The following MTF2 variants were observed in gnomAD, a reference collection of about 807,000 sequenced individuals.
The protein encoded by MTF2 is metal-response element-binding transcription factor 2.
A neutral mutation model predicts 79.5 loss-of-function variants in MTF2; 11 were observed. The observed-to-expected ratio is 0.14, with a 90% CI of 0.09 to 0.23. The LOEUF is 0.23. MTF2 is among the 10% of genes least tolerant of loss of function. MTF2 has a pLI of 1.00. For missense variants in MTF2, 486 were observed against 711.2 expected (o/e 0.68, Z 3.60); for synonymous variants, 208 against 232.8 (o/e 0.89, Z 0.97).
rs943645579 is a variant in MTF2, at chr1:93,138,614, A to G, written c.*1587A>G. On this transcript the variant is annotated 3_prime_UTR_variant, in exon 15 of 15. Transcript: ENST00000370298. ...TTGGTTCCTGGTTGGCCAGGTATAA[A>G]TGAGCTTTACAAAAGTGCAAATTAA... is the stretch of plus-strand genomic sequence containing the variant. 7.9e-5 allele frequency: 12 copies of G among 152,250 alleles called. No homozygotes were observed. The highest frequency in any genetic ancestry group is 2.9e-4 in the African/African-American group (12 of 41,476). 9.4% of individuals were successfully genotyped at this position (152,250 alleles called of 1,614,324 possible).
At chr1:93,086,616 T>A (rs1571213553) in intron 1 of MTF2, among the ~76,000 whole-genome samples, 1 of 151,272 alleles carries the variant, frequency 6.6e-6, no homozygotes, top group Admixed American at 6.6e-5. Context: ...CAGCCCCGGG[T>A]GAATCTTGAG....
chr1:93,110,598 C>G lies in MTF2; in HGVS notation c.258C>G (p.Ser86=), dbSNP rs1323707828. The change falls in exon 3 of 15, where the codon TCC becomes TCG. Residue 86 remains serine, a synonymous_variant. Transcript: ENST00000370298. Reference sequence around the variant, plus strand: ...TCATATTTGAAGACAGTTCTAAATCCTGGGTTCTCTGGAAGGACATTCAAA... The same window carrying G: ...TCATATTTGAAGACAGTTCTAAATCGTGGGTTCTCTGGAAGGACATTCAAA... ...CFIIFEDSSK[S]WVLWKDIQTG... is the part of the protein sequence containing the mutation. 6.2e-7 allele frequency: 1 copy of G among 1,613,482 alleles called. No homozygotes were observed.
rs1647490274 is a variant in MTF2 at position 93,138,451 on chromosome 1, T to C, written c.*1424T>C. On this transcript the variant is annotated 3_prime_UTR_variant, in exon 15 of 15. Transcript: ENST00000370298. The stretch of plus-strand genomic sequence containing the variant: ...GATTACAGAGTGGTTAAAATGTGGG[T>C]TAGTACTTATTTATTCCATTAATTG... 6.6e-6 allele frequency: 1 copy of C among 152,162 alleles called. No homozygotes were observed. The highest frequency in any genetic ancestry group is 1.5e-5 in the Non-Finnish European group (1 of 68,000). 9.4% of individuals were successfully genotyped at this position (152,162 alleles called of 1,614,324 possible).
chr1:93,120,487 CG>C, intron 8 of MTF2, 61 bp from the exon 9 acceptor site: 2 of 1,438,572 alleles, frequency 1.4e-6, no homozygotes, highest in Non-Finnish European at 1.9e-6. Flanking sequence ...ATAAGGAAAC[CG>C]TGATTTTTTA....
At chr1:93,124,143 A>G (rs1412953978) in intron 9 of MTF2, among the ~76,000 whole-genome samples, 4 of 152,090 alleles carry the variant, frequency 2.6e-5, no homozygotes, top group Non-Finnish European at 5.9e-5. Context: ...AGATAATGGT[A>G]GTATTACATT....
At chr1:93,130,802 A>G (rs1444185242) in intron 11 of MTF2, among the ~76,000 whole-genome samples, 1 of 152,218 alleles carries the variant, frequency 6.6e-6, no homozygotes, top group Non-Finnish European at 1.5e-5. Context: ...TCTGAAAATA[A>G]GGAATCAATT....
intron 3 of MTF2, among the ~76,000 whole-genome samples, chr1:93,113,483 A>G (rs1450177856): frequency 2.6e-5 from 4 of 152,118 alleles, no homozygotes; most frequent in Non-Finnish European, 5.9e-5. Flanking sequence ...CTCCCCCTCC[A>G]AAAAAAGAAA....
intron 1 of MTF2, among the ~76,000 whole-genome samples, chr1:93,109,788 A>AT (rs1655958503): frequency 6.6e-6 from 1 of 152,188 alleles, no homozygotes; most frequent in Admixed American, 6.5e-5. Context: ...AAGAGTGTGA[A>AT]TAACACCAGC....
At chr1:93,117,678 A>C (rs933900841) in intron 6 of MTF2, among the ~76,000 whole-genome samples, 3 of 152,190 alleles carry the variant, frequency 2.0e-5, no homozygotes, top group African/African-American at 7.2e-5. Flanking sequence ...TATTTGGGGC[A>C]AACAACAGTA....
At chr1:93,087,531 C>T (rs948021712) in intron 1 of MTF2, among the ~76,000 whole-genome samples, 1 of 148,052 alleles carries the variant, frequency 6.8e-6, no homozygotes, top group Admixed American at 6.8e-5. Flanking sequence ...GAGATGGTAC[C>T]ATTGCATGGC....
At chr1:93,132,543 G>A (rs1163469043) in intron 11 of MTF2, among the ~76,000 whole-genome samples, 1 of 152,138 alleles carries the variant, frequency 6.6e-6, no homozygotes, top group African/African-American at 2.4e-5. Flanking sequence ...TAGTCCAGGA[G>A]TCCTTTATAA....
At chr1:93,088,570 T>C (rs1654943010) in intron 1 of MTF2, among the ~76,000 whole-genome samples, 1 of 152,248 alleles carries the variant, frequency 6.6e-6, no homozygotes, top group East Asian at 1.9e-4. Context: ...CAGTGTCATT[T>C]ACAATTTTTT....
intron 1 of MTF2, among the ~76,000 whole-genome samples, chr1:93,087,061 C>T (rs1439133946): frequency 6.6e-6 from 1 of 152,086 alleles, no homozygotes; most frequent in Non-Finnish European, 1.5e-5. Flanking sequence ...GTGCCACCTG[C>T]GTTTTGACTA....
chr1:93,109,147 G>T (rs1655925842), intron 1 of MTF2, among the ~76,000 whole-genome samples: 1 of 152,026 alleles, frequency 6.6e-6, no homozygotes, highest in African/African-American at 2.4e-5. Flanking sequence ...GTCACTGTAT[G>T]TTTAATTAGT....
chr1:93,082,282 T>A (rs1654638864), intron 1 of MTF2, among the ~76,000 whole-genome samples: 1 of 151,666 alleles, frequency 6.6e-6, no homozygotes, highest in Non-Finnish European at 1.5e-5. Flanking sequence ...TCTTTTTTTT[T>A]TTTTTTTCTG....
chr1:93,123,769 C>CT lies in MTF2; in HGVS notation c.921+3097_921+3098insT. ...CTGTTTCGTGTATTGTGTCCCCCCCCCCTTTTTTTAATAAAGGAAGCACTG... is the reference window on the plus strand; with the variant it reads ...CTGTTTCGTGTATTGTGTCCCCCCCCTCCTTTTTTTAATAAAGGAAGCACTG... On this transcript the variant is annotated intron_variant, in intron 9 of 14. Transcript: ENST00000370298. Among the ~76,000 whole-genome samples the CT allele has an allele frequency of 2.0e-5, 3 of 148,620 alleles. No individual in the cohort carries two copies. The South Asian group carries it at 6.5e-4, about 32-fold the overall frequency.
intron 1 of MTF2, among the ~76,000 whole-genome samples, chr1:93,101,265 A>G (rs1160531784): frequency 1.3e-5 from 2 of 150,860 alleles, no homozygotes; most frequent in African/African-American, 4.9e-5. Context: ...CTCTTTCAAG[A>G]TGTATATGAC....
chr1:93,133,165 G>A (rs1226250159), intron 11 of MTF2, among the ~76,000 whole-genome samples: 1 of 151,894 alleles, frequency 6.6e-6, no homozygotes, highest in African/African-American at 2.4e-5. Flanking sequence ...CTGCCACTCT[G>A]GGCTTCATTC....
At chr1:93,108,150 T>G (rs1456172116) in intron 1 of MTF2, among the ~76,000 whole-genome samples, 3 of 152,204 alleles carry the variant, frequency 2.0e-5, no homozygotes, top group Non-Finnish European at 4.4e-5. Context: ...GCCAAATATA[T>G]TACATTTCTA....
Sources: gnomAD v4.1 joint callset for allele counts (sites outside exome capture counted in the v4.1 genomes callset) on GRCh38, gnomAD v4.1.1 for gene constraint, MANE v1.5 for transcripts, NCBI Gene and HGNC (gene_info 2026-07-23, HGNC 2026-07-21) for gene names.